Variants in AKAP7 observed in about 807,000 individuals in gnomAD.
The protein encoded by AKAP7 is A-kinase anchoring protein 7, also known as A kinase (PRKA) anchor protein 7.
AKAP7 carries 39 observed loss-of-function variants against 39.5 expected under a neutral mutation model. The observed-to-expected ratio is 0.99, with a 90% CI of 0.76 to 1.29. The LOEUF is 1.29. AKAP7 is among the 50% of genes most tolerant of loss of function. AKAP7 has a pLI of 0.00. For missense variants in AKAP7, 414 were observed against 407.7 expected (o/e 1.02, Z -0.13); for synonymous variants, 140 against 139.1 (o/e 1.01, Z -0.05).
At chr6:131,214,823 A>T (rs912043993) in intron 6 of AKAP7, among the ~76,000 whole-genome samples, 1 of 152,186 alleles carries the variant, frequency 6.6e-6, no homozygotes, top group Non-Finnish European at 1.5e-5. Context: ...ATATTCTTAG[A>T]ATTTTAATAT....
Position 131,180,582 on chromosome 6 carries a change from A to G in AKAP7, c.589+11309A>G, listed in dbSNP as rs544184568. On this transcript the variant is annotated intron_variant, in intron 5 of 7. Transcript: ENST00000431975. Reference sequence around the variant, plus strand: ...TTTAAAATTTAAAAATCTTCATTGTACCTTTCCTATCCAGAATCTTTAAAA... The same window carrying G: ...TTTAAAATTTAAAAATCTTCATTGTGCCTTTCCTATCCAGAATCTTTAAAA... Among the ~76,000 whole-genome samples the G allele has an allele frequency of 3.9e-5, 6 of 152,202 alleles. No individual in the cohort carries two copies. The South Asian group carries it at 1.2e-3, about 32-fold the overall frequency.
chr6:131,261,281 T>C (rs992670798), intron 7 of AKAP7, among the ~76,000 whole-genome samples: 3 of 151,694 alleles, frequency 2.0e-5, no homozygotes, highest in Admixed American at 1.3e-4. Context: ...GATAGAAGTA[T>C]AACATACAAG....
At position 131,281,081 on chromosome 6, in the gene AKAP7, T is replaced by C. The variant is rs1308377842; in HGVS notation, c.851-449T>C. Among the ~76,000 whole-genome samples, 1 of 152,182 alleles carries C rather than the reference T, an allele frequency of 6.6e-6. No homozygotes were observed. Among genetic ancestry groups the C allele is most frequent in the Non-Finnish European group, 1.5e-5 (1 of 68,024 alleles). Reference sequence around the variant, plus strand: ...TAACAACCAACCTATAGGCCAAGCATTTTTAAATTAGTGATCTTAAGTAAT... The same window carrying C: ...TAACAACCAACCTATAGGCCAAGCACTTTTAAATTAGTGATCTTAAGTAAT... On this transcript the variant is annotated intron_variant, in intron 7 of 7. Coordinates refer to ENST00000431975, the MANE Select transcript of AKAP7 (RefSeq NM_016377.4). This position sits in a 1 kb window ranked among gnomAD's most constrained non-coding sequence, Gnocchi z 4.0.
chr6:131,141,765 G>A (rs746036407), intron 1 of AKAP7, among the ~76,000 whole-genome samples: 12 of 152,208 alleles, frequency 7.9e-5, no homozygotes, highest in Non-Finnish European at 1.6e-4. Flanking sequence ...ATTGGGAACT[G>A]CAGTTAACGT....
chr6:131,242,864 A>G (rs561181466), intron 7 of AKAP7, among the ~76,000 whole-genome samples: 59 of 152,320 alleles, frequency 3.9e-4, no homozygotes, highest in African/African-American at 1.3e-3. Flanking sequence ...TTCTAAGTCA[A>G]GTGCCTTTAA....
At chr6:131,236,657 C>T (rs541572826) in intron 7 of AKAP7, among the ~76,000 whole-genome samples, 2 of 152,248 alleles carry the variant, frequency 1.3e-5, no homozygotes, top group East Asian at 3.9e-4. Context: ...ATTTTATTCT[C>T]CTTGAAGCAA....
At chr6:131,236,538 C>G (rs1468654053) in intron 7 of AKAP7, among the ~76,000 whole-genome samples, 4 of 152,218 alleles carry the variant, frequency 2.6e-5, no homozygotes, top group Non-Finnish European at 5.9e-5. Flanking sequence ...TACCCACAAG[C>G]ATGGAATGTT....
At chr6:131,178,518 C>T (rs1310654133) in intron 5 of AKAP7, among the ~76,000 whole-genome samples, 1 of 152,194 alleles carries the variant, frequency 6.6e-6, no homozygotes, top group African/African-American at 2.4e-5. Context: ...CACCACTCTG[C>T]CATTCATAAG....
At position 131,270,807 on chromosome 6, in the gene AKAP7, A is replaced by G. The variant is rs190209529; in HGVS notation, c.851-10723A>G. ...GTATCTCATTGTGACTTTAATTTGT[A>G]TTTCCCTGATAACTAAAAATGTTGA... On this transcript the variant is annotated intron_variant, in intron 7 of 7. Coordinates refer to ENST00000431975, the MANE Select transcript of AKAP7 (RefSeq NM_016377.4). 2.1e-3 allele frequency among the ~76,000 whole-genome samples: 316 copies of G among 152,154 alleles called. 1 individual carries two copies. The highest frequency in any genetic ancestry group is 7.3e-3 in the African/African-American group (303 of 41,512).
chr6:131,218,672 T>C (rs1315790791), intron 6 of AKAP7, among the ~76,000 whole-genome samples: 7 of 152,216 alleles, frequency 4.6e-5, no homozygotes. Context: ...AGATATATTC[T>C]TTCCCATGTT....
At chr6:131,217,590 A>T (rs1024088045) in intron 6 of AKAP7, among the ~76,000 whole-genome samples, 1 of 152,150 alleles carries the variant, frequency 6.6e-6, no homozygotes, top group Admixed American at 6.5e-5. Flanking sequence ...TGAGTTAAGG[A>T]ATTAATTCTG....
At chr6:131,194,420 G>T (rs1229757306) in intron 5 of AKAP7, among the ~76,000 whole-genome samples, 4 of 151,948 alleles carry the variant, frequency 2.6e-5, no homozygotes, top group Non-Finnish European at 5.9e-5. Flanking sequence ...TTAGTTTTTT[G>T]AATGTTTTAA....
At chr6:131,249,999 A>G (rs940869035) in intron 7 of AKAP7, among the ~76,000 whole-genome samples, 1 of 152,180 alleles carries the variant, frequency 6.6e-6, no homozygotes, top group African/African-American at 2.4e-5. Flanking sequence ...GCAGTTTGCT[A>G]GGTAGTTAAT....
intron 7 of AKAP7, among the ~76,000 whole-genome samples, chr6:131,274,787 C>A (rs1181604904): frequency 6.6e-6 from 1 of 152,200 alleles, no homozygotes; most frequent in Non-Finnish European, 1.5e-5. Context: ...TGGAATACTT[C>A]CAGTACTCCA....
chr6:131,205,519 T>C (rs1160140563), intron 6 of AKAP7, among the ~76,000 whole-genome samples: 1 of 152,116 alleles, frequency 6.6e-6, no homozygotes, highest in African/African-American at 2.4e-5. Context: ...AAAAGCCCAG[T>C]GGGGAACTAA....
rs1448668594 is a variant in AKAP7 at position 131,281,363 on chromosome 6, G to C, written c.851-167G>C. Among the ~76,000 whole-genome samples, 3 of 152,170 alleles carry C rather than the reference G, an allele frequency of 2.0e-5. No homozygotes were observed. Among genetic ancestry groups the C allele is most frequent in the Non-Finnish European group, 4.4e-5 (3 of 68,022 alleles). On this transcript the variant is annotated intron_variant, in intron 7 of 7. Transcript: ENST00000431975. This position sits in a 1 kb window ranked among gnomAD's most constrained non-coding sequence, Gnocchi z 4.0. ...ATCTGAAGCCTTCAGGAATAGACAG[G>C]CTCCTGCTTCTGCAAATACCAAATG... is the stretch of plus-strand genomic sequence containing the variant.
In AKAP7 at chr6:131,167,328, G is replaced by C. The variant is rs114210495; in HGVS notation, c.429-1785G>C. The stretch of plus-strand genomic sequence containing the variant: ...ACTGATTTATACTACTAGAGAACTG[G>C]AAAAATGGACCGAATTTAGATCATC... On this transcript the variant is annotated intron_variant, in intron 4 of 7. Coordinates refer to ENST00000431975, the MANE Select transcript of AKAP7 (RefSeq NM_016377.4). 4.0e-3 allele frequency among the ~76,000 whole-genome samples: 603 copies of C among 152,184 alleles called. 4 individuals carry two copies. Among genetic ancestry groups the C allele is most frequent in the African/African-American group, 0.014 (580 of 41,542 alleles).
Position 131,253,246 on chromosome 6 carries a change from A to ATT in AKAP7, c.851-28278_851-28277dup, listed in dbSNP as rs141495149. On this transcript the variant is annotated intron_variant, in intron 7 of 7. Transcript: ENST00000431975. Reference sequence around the variant, plus strand: ...TTTAGTCTATTGATAGCAAATGATGATTTTTTTAAATCAACTAGTTGTGTG... The same window carrying ATT: ...TTTAGTCTATTGATAGCAAATGATGATTTTTTTTTAAATCAACTAGTTGTGTG... 205 of 782,480 alleles carry ATT rather than the reference A, an allele frequency of 2.6e-4. No individual in the cohort carries two copies. The African/African-American group carries it at 3.1e-3, about 12-fold the overall frequency. The allele number at this position is 782,480 out of a possible 1,614,324, so 48.5% of individuals were successfully genotyped here. A position where few individuals can be genotyped will look rare whatever the true frequency, so the allele number is the denominator to read the frequency against.
At chr6:131,146,378 C>T (rs771244754) in intron 2 of AKAP7, among the ~76,000 whole-genome samples, 11 of 151,970 alleles carry the variant, frequency 7.2e-5, no homozygotes, top group Non-Finnish European at 1.6e-4. Context: ...GAGGCTGAGA[C>T]GGGAGGATAA....
Sources: gnomAD v4.1 joint callset for allele counts (sites outside exome capture counted in the v4.1 genomes callset) on GRCh38, gnomAD v4.1.1 for gene constraint, Gnocchi (gnomAD v3.1) non-coding constraint, MANE v1.5 for transcripts, NCBI Gene and HGNC (gene_info 2026-07-23, HGNC 2026-07-21) for gene names.